The following EPHA6 variants were observed in gnomAD, a reference collection of about 807,000 sequenced individuals.
The protein encoded by EPHA6 is ephrin type-A receptor 6.
Under a neutral mutation model 112.0 loss-of-function variants are expected in EPHA6, and 50 were observed. That is an observed-to-expected ratio of 0.45 (90% confidence interval 0.36 to 0.56). The LOEUF (loss-of-function observed/expected upper bound fraction) is 0.56. EPHA6 is among the 20% of genes least tolerant of loss of function. The pLI is 0.00. For synonymous variants in EPHA6, 529 were observed against 490.7 expected, an observed-to-expected ratio of 1.08 and a Z score of -1.03; for missense variants, 1,280 against 1,417.4, an observed-to-expected ratio of 0.90 and a Z score of 1.56.
At chr3:96,936,221 T>A (rs1338246816) in intron 2 of EPHA6, among the ~76,000 whole-genome samples, 1 of 152,084 alleles carries the variant, frequency 6.6e-6, no homozygotes, top group African/African-American at 2.4e-5. Flanking sequence ...GGCCCCAGAG[T>A]TAAGTACATT....
intron 2 of EPHA6, among the ~76,000 whole-genome samples, chr3:96,958,338 T>A (rs992614374): frequency 2.6e-5 from 4 of 152,040 alleles, no homozygotes; most frequent in African/African-American, 9.7e-5. Context: ...TGCCATTTGC[T>A]AATTCTCTGA....
intron 6 of EPHA6, among the ~76,000 whole-genome samples, chr3:97,439,958 C>T (rs1453577008): frequency 7.2e-5 from 11 of 152,056 alleles, no homozygotes; most frequent in African/African-American, 2.7e-4. Flanking sequence ...AATGGTTTAG[C>T]GATTCCTTTG....
chr3:97,387,046 G>T (rs1355646038), intron 5 of EPHA6, among the ~76,000 whole-genome samples: 1 of 152,220 alleles, frequency 6.6e-6, no homozygotes, highest in African/African-American at 2.4e-5. Flanking sequence ...GCACAGAGCA[G>T]AGGGGCCCTC....
At chr3:97,487,853 A>T (rs557112225) in intron 10 of EPHA6, among the ~76,000 whole-genome samples, 33 of 152,334 alleles carry the variant, frequency 2.2e-4, no homozygotes, top group Non-Finnish European at 3.8e-4. Flanking sequence ...CTATAAAATG[A>T]AATTCTGTGG....
intron 2 of EPHA6, among the ~76,000 whole-genome samples, chr3:96,938,162 G>C (rs1439914113): frequency 1.3e-5 from 2 of 152,050 alleles, no homozygotes; most frequent in South Asian, 2.1e-4. Flanking sequence ...TTGGTAGCTT[G>C]ATGGGGATGG....
intron 5 of EPHA6, among the ~76,000 whole-genome samples, chr3:97,327,640 C>T (rs2108805787): frequency 6.6e-6 from 1 of 151,928 alleles, no homozygotes; most frequent in African/African-American, 2.4e-5. Context: ...TCTCTTCTGT[C>T]ACTAAATACT....
intron 1 of EPHA6, among the ~76,000 whole-genome samples, chr3:96,831,878 A>G (rs2034105462): frequency 6.6e-6 from 1 of 152,084 alleles, no homozygotes; most frequent in African/African-American, 2.4e-5. Flanking sequence ...AACACCTGGA[A>G]TGTAGGCATC....
At chr3:97,468,013 C>A (rs191151383) in intron 7 of EPHA6, among the ~76,000 whole-genome samples, 5 of 151,658 alleles carry the variant, frequency 3.3e-5, no homozygotes, top group African/African-American at 1.2e-4. Context: ...AAATTGAGGT[C>A]ATCAGGAAGA....
chr3:97,156,732 A>T (rs188488222), intron 3 of EPHA6, among the ~76,000 whole-genome samples: 30 of 152,226 alleles, frequency 2.0e-4, no homozygotes, highest in African/African-American at 7.0e-4. Flanking sequence ...ATTTAAGAAC[A>T]TTGCTTGTTT....
chr3:97,661,307 C>T (rs1312213982), intron 14 of EPHA6, among the ~76,000 whole-genome samples: 1 of 87,960 alleles, frequency 1.1e-5, no homozygotes, highest in Non-Finnish European at 2.8e-5. Flanking sequence ...TTGGAGTTGT[C>T]TCAAGTCCCT....
intron 3 of EPHA6, among the ~76,000 whole-genome samples, chr3:97,020,392 T>C (rs2044414712): frequency 6.6e-6 from 1 of 152,222 alleles, no homozygotes; most frequent in Non-Finnish European, 1.5e-5. Context: ...CAACATGTTA[T>C]GTAACTCTGG....
chr3:97,380,739 TAC>T (rs1231217957), intron 5 of EPHA6, among the ~76,000 whole-genome samples: 2 of 152,178 alleles, frequency 1.3e-5, no homozygotes, highest in Admixed American at 6.5e-5. Flanking sequence ...AAGAAATAAT[TAC>T]AGTTGATTTA....
At chr3:97,007,431 C>T (rs1200535282) in intron 3 of EPHA6, among the ~76,000 whole-genome samples, 1 of 146,416 alleles carries the variant, frequency 6.8e-6, no homozygotes. Flanking sequence ...GCGGTCCCTG[C>T]TTTTTTTTTT....
At chr3:97,036,676 G>A (rs2045109145) in intron 3 of EPHA6, among the ~76,000 whole-genome samples, 1 of 151,928 alleles carries the variant, frequency 6.6e-6, no homozygotes, top group South Asian at 2.1e-4. Context: ...AGTACCCTTT[G>A]CTGGAGTTTT....
At chr3:96,878,634 G>A (rs534537826) in intron 2 of EPHA6, among the ~76,000 whole-genome samples, 72 of 152,058 alleles carry the variant, frequency 4.7e-4, no homozygotes, top group African/African-American at 1.7e-3. Context: ...GCTATTATGA[G>A]CTAATGTCAT....
chr3:97,484,792 T>C (rs1201231869), intron 10 of EPHA6, among the ~76,000 whole-genome samples: 2 of 152,206 alleles, frequency 1.3e-5, no homozygotes, highest in Non-Finnish European at 2.9e-5. Context: ...TAGCATGCCA[T>C]CCTCCTGTAA....
intron 3 of EPHA6, among the ~76,000 whole-genome samples, chr3:97,101,637 C>T (rs967973253): frequency 2.2e-4 from 34 of 151,970 alleles, no homozygotes; most frequent in Non-Finnish European, 3.8e-4. Context: ...CACTGAGAAA[C>T]TTCTTGAAGG....
At chr3:97,401,590 G>A (rs2109109060) in intron 5 of EPHA6, among the ~76,000 whole-genome samples, 1 of 151,578 alleles carries the variant, frequency 6.6e-6, no homozygotes, top group South Asian at 2.1e-4. Flanking sequence ...TCTAGTTAAA[G>A]GTTCGTCAAT....
chr3:96,819,615 A>G (rs1054034388), intron 1 of EPHA6, among the ~76,000 whole-genome samples: 1 of 152,238 alleles, frequency 6.6e-6, no homozygotes, highest in African/African-American at 2.4e-5. Context: ...CATGCTGGAA[A>G]TCAATATATA....
Sources: allele counts gnomAD v4.1 joint callset (sites outside exome capture counted in the v4.1 genomes callset), GRCh38; gene constraint gnomAD v4.1.1; transcripts MANE v1.5; gene names NCBI Gene and HGNC (gene_info 2026-07-23, HGNC 2026-07-21).